SMARCA4: variants seen among roughly 807,000 people sequenced by gnomAD.
SMARCA4 encodes SWI/SNF related BAF chromatin remodeling complex subunit ATPase 4, also known as SWI/SNF-related matrix-associated actin-dependent regulator of chromatin subfamily A member 4.
SMARCA4 carries 31 observed loss-of-function variants against 193.9 expected under a neutral mutation model. That is an observed-to-expected ratio of 0.16 (90% confidence interval 0.12 to 0.22). SMARCA4 has a LOEUF of 0.22. SMARCA4 is among the 10% of genes least tolerant of loss of function. The pLI is 1.00. For missense variants in SMARCA4, 1,148 were observed against 2,296.0 expected, an observed-to-expected ratio of 0.50 and a Z score of 10.22; for synonymous variants, 942 against 933.1, an observed-to-expected ratio of 1.01 and a Z score of -0.17.
chr19:10,967,758 C>T (rs1189427044), intron 1 of SMARCA4, among the ~76,000 whole-genome samples: 6 of 147,022 alleles, frequency 4.1e-5, no homozygotes, highest in East Asian at 2.0e-4. Context: ...GATCTCGGCT[C>T]ACTGCAACCT....
intron 1 of SMARCA4, among the ~76,000 whole-genome samples, chr19:10,972,622 G>A (rs1052396470): frequency 1.3e-5 from 2 of 152,108 alleles, no homozygotes; most frequent in Admixed American, 6.6e-5. Flanking sequence ...GGCCTGTCAC[G>A]AGTGACACTG....
chr19:11,030,958 C>T lies in SMARCA4; in HGVS notation c.3546+65C>T, dbSNP rs780821981. ...GGGTGCCTGCAAAACCTCGAGGAGACGGCCCTGGCTTGAGGGTCCTCCAGC... is the reference window on the plus strand; with the variant it reads ...GGGTGCCTGCAAAACCTCGAGGAGATGGCCCTGGCTTGAGGGTCCTCCAGC... On this transcript the variant is annotated intron_variant, in intron 25 of 34. Coordinates refer to ENST00000344626, the MANE Select transcript of SMARCA4 (RefSeq NM_003072.5). This position sits in a 1 kb window ranked among gnomAD's most constrained non-coding sequence, Gnocchi z 5.5. 1.8e-5 allele frequency: 27 copies of T among 1,492,762 alleles called. No individual in the cohort carries two copies. The highest frequency in any genetic ancestry group is 1.3e-4 in the Admixed American group (7 of 53,884). 92.5% of individuals were successfully genotyped at this position (1,492,762 alleles called of 1,614,324 possible). A position where few individuals can be genotyped will look rare whatever the true frequency, so the allele number is the denominator to read the frequency against.
Position 11,033,335 on chromosome 19 carries a change from G to A in SMARCA4, c.3592G>A (p.Glu1198Lys), listed in dbSNP as rs755541709. ...AGCCCACCGCATCGGGCAGCAGAACGAGGTGCGTGTGCTCCGCCTCTGCAC... is the reference window on the plus strand; with the variant it reads ...AGCCCACCGCATCGGGCAGCAGAACAAGGTGCGTGTGCTCCGCCTCTGCAC... The part of the protein sequence containing the change: ...DRAHRIGQQN[E>K]VRVLRLCTVN... Residue 1198 changes from glutamate to lysine, a missense_variant, in exon 26 of 35, where the codon GAG becomes AAG. By Grantham distance (56) the Glu-to-Lys change is moderately conservative. Transcript: ENST00000344626. The surrounding 1 kb of genome is among the most constrained non-coding windows in gnomAD (Gnocchi z 9.8). 6.2e-7 allele frequency: 1 copy of A among 1,613,050 alleles called. No individual in the cohort carries two copies. The highest frequency in any genetic ancestry group is 8.5e-7 in the Non-Finnish European group (1 of 1,180,030).
intron 33 of SMARCA4, 60 bp downstream of exon 33, chr19:11,059,945 C>A (rs959037735): frequency 1.9e-6 from 3 of 1,613,290 alleles, no homozygotes; most frequent in African/African-American, 2.7e-5. Flanking sequence ...CCCCCAAGGC[C>A]CCAGCTTTTC....
At chr19:11,015,370 C>T (rs954280086) in intron 16 of SMARCA4, among the ~76,000 whole-genome samples, 38 of 152,292 alleles carry the variant, frequency 2.5e-4, no homozygotes, top group African/African-American at 9.1e-4. Context: ...CGTCTTTGTC[C>T]TGGTCGAGCT....
intron 30 of SMARCA4, among the ~76,000 whole-genome samples, chr19:11,045,129 G>A (rs998066965): frequency 1.3e-5 from 2 of 152,136 alleles, no homozygotes; most frequent in Non-Finnish European, 2.9e-5. Flanking sequence ...GACCATCCTG[G>A]CTAACATGGT....
intron 11 of SMARCA4, among the ~76,000 whole-genome samples, chr19:11,002,494 T>C (rs544236510): frequency 1.4e-5 from 2 of 143,224 alleles, no homozygotes; most frequent in African/African-American, 5.2e-5. Flanking sequence ...AATAAATAAA[T>C]AAAAATAAAA....
At chr19:10,989,657 C>T (rs1452695585) in intron 7 of SMARCA4, among the ~76,000 whole-genome samples, 1 of 152,100 alleles carries the variant, frequency 6.6e-6, no homozygotes, top group Non-Finnish European at 1.5e-5. Context: ...AAAGCACTTG[C>T]CGCCTCAAAG....
At chr19:11,000,473 A>G (rs1276931383) in intron 11 of SMARCA4, among the ~76,000 whole-genome samples, 2 of 152,052 alleles carry the variant, frequency 1.3e-5, no homozygotes, top group Admixed American at 6.6e-5. Context: ...GCTGCAGTGC[A>G]CTGTGTTTGT....
chr19:11,034,973 C>G lies in SMARCA4; in HGVS notation c.4011C>G (p.Leu1337=), dbSNP rs377720149. The part of the protein sequence containing the change: ...EARNPKRKPR[L]MEEDELPSWI... ...GCAACCCCAAGCGGAAGCCGCGCCTCATGGAGGAGGACGAGCTCCCCTCGT... is the reference window on the plus strand; with the variant it reads ...GCAACCCCAAGCGGAAGCCGCGCCTGATGGAGGAGGACGAGCTCCCCTCGT... Residue 1337 remains leucine, a synonymous_variant, in exon 29 of 35, where the codon CTC becomes CTG. Transcript: ENST00000344626. The surrounding 1 kb of genome is among the most constrained non-coding windows in gnomAD (Gnocchi z 7.0). The G allele has an allele frequency of 6.2e-7, 1 of 1,604,936 alleles. No individual in the cohort carries two copies. Among genetic ancestry groups the G allele is most frequent in the African/African-American group, 1.3e-5 (1 of 74,758 alleles).
Position 11,025,604 on chromosome 19 carries a change from C to G in SMARCA4, c.3168+96C>G, listed in dbSNP as rs533690037. The stretch of plus-strand genomic sequence containing the variant: ...CTCGACAGCTCTTTAAAAACAGACT[C>G]GAATATTTTCATTAGGTAATGCCTG... On this transcript the variant is annotated intron_variant, in intron 22 of 34. Transcript: ENST00000344626. The G allele has an allele frequency of 3.6e-5, 31 of 868,092 alleles. 1 individual carries two copies. The Admixed American group carries it at 4.8e-4, about 13-fold the overall frequency. The allele number at this position is 868,092 out of a possible 1,614,324, so 53.8% of individuals were successfully genotyped here.
At chr19:11,043,839 G>A (rs1159170661) in intron 30 of SMARCA4, among the ~76,000 whole-genome samples, 3 of 152,090 alleles carry the variant, frequency 2.0e-5, no homozygotes, top group African/African-American at 7.2e-5. Flanking sequence ...AATTAAACTG[G>A]CATGGTGATG....
At chr19:11,013,804 C>T (rs1485402233) in intron 16 of SMARCA4, among the ~76,000 whole-genome samples, 1 of 152,184 alleles carries the variant, frequency 6.6e-6, no homozygotes, top group Non-Finnish European at 1.5e-5. Context: ...CCCTCGGGCA[C>T]ATCCCAGCAT....
intron 1 of SMARCA4, among the ~76,000 whole-genome samples, chr19:10,963,875 C>T (rs919326977): frequency 1.3e-5 from 2 of 151,482 alleles, no homozygotes; most frequent in African/African-American, 4.9e-5. Context: ...GTACAGGCTG[C>T]AGTGGACCAT....
intron 1 of SMARCA4, among the ~76,000 whole-genome samples, chr19:10,981,739 G>A (rs1384384607): frequency 6.6e-6 from 1 of 152,194 alleles, no homozygotes; most frequent in Non-Finnish European, 1.5e-5. Flanking sequence ...ACTTTGGGAA[G>A]TCCAGGCTGG....
chr19:11,001,572 C>T (rs555753299), intron 11 of SMARCA4, among the ~76,000 whole-genome samples: 7 of 152,314 alleles, frequency 4.6e-5, no homozygotes, highest in African/African-American at 1.7e-4. Context: ...TTGACTGCTC[C>T]TCCCAGTGAT....
chr19:10,968,788 C>A (rs761686161), intron 1 of SMARCA4, among the ~76,000 whole-genome samples: 1 of 152,174 alleles, frequency 6.6e-6, no homozygotes, highest in Non-Finnish European at 1.5e-5. Flanking sequence ...TGCGACCCAT[C>A]TTGCTCCGAA....
rs2076925047 is a variant in SMARCA4, at chr19:11,062,037, A to C, written c.*221A>C. On this transcript the variant is annotated 3_prime_UTR_variant, in exon 35 of 35. Coordinates refer to ENST00000344626, the MANE Select transcript of SMARCA4 (RefSeq NM_003072.5). ...TCTGTAACAGCATTAACTGTCTTAAAGAGAGAGAGAGAGAATTCCGAATTG... is the reference window on the plus strand; with the variant it reads ...TCTGTAACAGCATTAACTGTCTTAACGAGAGAGAGAGAGAATTCCGAATTG... 2 of 513,968 alleles carry C rather than the reference A, an allele frequency of 3.9e-6. No individual in the cohort carries two copies. The highest frequency in any genetic ancestry group is 7.1e-6 in the Non-Finnish European group (2 of 281,238). The allele number at this position is 513,968 out of a possible 1,614,324, so 31.8% of individuals were successfully genotyped here. A position where few individuals can be genotyped will look rare whatever the true frequency, so the allele number is the denominator to read the frequency against.
intron 6 of SMARCA4, among the ~76,000 whole-genome samples, chr19:10,989,004 C>T (rs2086311528): frequency 6.6e-6 from 1 of 152,232 alleles, no homozygotes; most frequent in African/African-American, 2.4e-5. Context: ...CCGCCCTGCG[C>T]CTCATCCATG....
Sources: gnomAD v4.1 joint callset for allele counts (sites outside exome capture counted in the v4.1 genomes callset) on GRCh38, gnomAD v4.1.1 for gene constraint, Gnocchi (gnomAD v3.1) non-coding constraint, MANE v1.5 for transcripts, NCBI Gene and HGNC (gene_info 2026-07-23, HGNC 2026-07-21) for gene names.